The following PPP2R3A variants were observed in gnomAD, a reference collection of about 807,000 sequenced individuals.
PPP2R3A encodes protein phosphatase 2 regulatory subunit B''alpha.
A neutral mutation model predicts 106.9 loss-of-function variants in PPP2R3A; 80 were observed. The ratio of observed to expected loss-of-function variants is 0.75; its 90% CI spans 0.62 to 0.90. The LOEUF (loss-of-function observed/expected upper bound fraction) is 0.90. Ranked by LOEUF, PPP2R3A falls within the 40% of genes least tolerant of loss-of-function variation. The pLI is 0.00. For missense variants in PPP2R3A, 1,386 were observed against 1,350.4 expected, an observed-to-expected ratio of 1.03 and a Z score of -0.41; for synonymous variants, 483 against 468.3, an observed-to-expected ratio of 1.03 and a Z score of -0.41.
intron 13 of PPP2R3A, among the ~76,000 whole-genome samples, chr3:136,113,796 G>GAA (rs111452142): frequency 1.0e-4 from 13 of 128,666 alleles, no homozygotes; most frequent in Non-Finnish European, 2.0e-4. Context: ...CCCTGTGTCA[G>GAA]AAAAAAAAAA....
At chr3:136,131,801 G>A (rs1293493517) in intron 13 of PPP2R3A, among the ~76,000 whole-genome samples, 1 of 152,086 alleles carries the variant, frequency 6.6e-6, no homozygotes, top group East Asian at 1.9e-4. Flanking sequence ...AGAAAATGTG[G>A]TACATATACA....
chr3:136,107,313 GT>G (rs1937534555), intron 13 of PPP2R3A, among the ~76,000 whole-genome samples: 1 of 151,462 alleles, frequency 6.6e-6, no homozygotes, highest in Non-Finnish European at 1.5e-5. Context: ...ATAGTAAAAA[GT>G]TTCCTACTAC....
intron 5 of PPP2R3A, among the ~76,000 whole-genome samples, chr3:136,054,788 A>C (rs773809649): frequency 4.6e-5 from 7 of 152,202 alleles, no homozygotes; most frequent in Admixed American, 1.3e-4. Flanking sequence ...GTAAAGTAAC[A>C]TATTTTTGCC....
intron 13 of PPP2R3A, among the ~76,000 whole-genome samples, chr3:136,107,495 G>A (rs1203379758): frequency 7.0e-6 from 1 of 143,514 alleles, no homozygotes; most frequent in Non-Finnish European, 1.5e-5. Context: ...GGTCCATTCA[G>A]GTCAGCCTCC....
chr3:136,023,241 TG>T, intron 2 of PPP2R3A: 1 of 1,553,162 alleles, frequency 6.4e-7, no homozygotes, highest in Non-Finnish European at 8.8e-7. Flanking sequence ...TGTTTTGTTT[TG>T]TTTTGAAAAT....
chr3:136,125,823 G>A (rs1238095560), intron 13 of PPP2R3A, among the ~76,000 whole-genome samples: 1 of 152,068 alleles, frequency 6.6e-6, no homozygotes, highest in Non-Finnish European at 1.5e-5. Flanking sequence ...GAAATGAAAG[G>A]TTGGCTTATT....
Position 136,102,130 on chromosome 3 carries a change from A to C in PPP2R3A, c.3051A>C (p.Pro1017=), listed in dbSNP as rs1410845526. 3.1e-6 allele frequency: 5 copies of C among 1,613,836 alleles called. No homozygotes were observed. In the Admixed American group the frequency reaches 5.0e-5, roughly 16 times the overall value. ...AAGCCATGGGAATTGAGCCCTTGCC[A>C]TTCCATGATTTACTGTGCCAGATGC... The part of the protein sequence containing the change: ...RMEAMGIEPL[P]FHDLLCQMLD... The change falls in exon 11 of 14, where the codon CCA becomes CCC. Residue 1017 remains proline (P), a synonymous_variant. Transcript: ENST00000264977.
At chr3:136,071,129 T>C (rs1358835472) in intron 6 of PPP2R3A, among the ~76,000 whole-genome samples, 3 of 152,224 alleles carry the variant, frequency 2.0e-5, no homozygotes, top group Non-Finnish European at 4.4e-5. Context: ...AGCCATTTCA[T>C]GCACTCTGCT....
chr3:136,027,096 A>G lies in PPP2R3A; in HGVS notation c.2260A>G (p.Lys754Glu), dbSNP rs760458877. ...ADIYEMGKIAKVCGCPLYWKA... is the reference protein window; with the variant it reads ...ADIYEMGKIAEVCGCPLYWKA... ...CATTTATGAAATGGGGAAAATTGCAAAGGTAATGTAACTACTAAATGATTT... is the reference window on the plus strand; with the variant it reads ...CATTTATGAAATGGGGAAAATTGCAGAGGTAATGTAACTACTAAATGATTT... Residue 754 changes from lysine to glutamate, a missense_variant and splice_region_variant, in exon 3 of 14, where the codon AAG (lysine) becomes GAG (glutamate). Physicochemically the swap from Lys to Glu is moderately conservative, Grantham distance 56. Coordinates refer to ENST00000264977, the MANE Select transcript of PPP2R3A (RefSeq NM_002718.5). 1.2e-6 allele frequency: 2 copies of G among 1,610,300 alleles called. No homozygotes were observed. Among genetic ancestry groups the G allele is most frequent in the South Asian group, 2.2e-5 (2 of 90,556 alleles).
chr3:135,994,232 A>G (rs1933294456), intron 1 of PPP2R3A, among the ~76,000 whole-genome samples: 1 of 152,194 alleles, frequency 6.6e-6, no homozygotes, highest in Non-Finnish European at 1.5e-5. Flanking sequence ...TCTTTAATCC[A>G]CAGTGGAGAC....
intron 4 of PPP2R3A, among the ~76,000 whole-genome samples, chr3:136,041,466 C>T (rs1357617090): frequency 6.6e-6 from 1 of 151,918 alleles, no homozygotes; most frequent in Non-Finnish European, 1.5e-5. Context: ...CCAGGCTGGT[C>T]ATAAACTCCT....
chr3:136,067,434 A>G (rs1936292739), intron 5 of PPP2R3A, among the ~76,000 whole-genome samples: 2 of 152,204 alleles, frequency 1.3e-5, no homozygotes, highest in Non-Finnish European at 2.9e-5. Flanking sequence ...AGAGCGTACC[A>G]CCTTGAGAAA....
intron 4 of PPP2R3A, among the ~76,000 whole-genome samples, chr3:136,047,080 T>C (rs1047349341): frequency 6.6e-6 from 1 of 152,110 alleles, no homozygotes; most frequent in African/African-American, 2.4e-5. Context: ...CTCAGAAATA[T>C]GGGATTATGT....
chr3:136,033,674 AG>A (rs1934984374), intron 3 of PPP2R3A, among the ~76,000 whole-genome samples: 1 of 152,138 alleles, frequency 6.6e-6, no homozygotes, highest in Admixed American at 6.5e-5. Context: ...ATGTGTGTAA[AG>A]GTGTTCATAG....
intron 3 of PPP2R3A, among the ~76,000 whole-genome samples, chr3:136,034,674 C>T (rs767788181): frequency 6.6e-6 from 1 of 152,114 alleles, no homozygotes; most frequent in Non-Finnish European, 1.5e-5. Context: ...GTTCCATGTG[C>T]TGTTGAATAG....
chr3:136,012,530 G>A (rs760302857), intron 2 of PPP2R3A, among the ~76,000 whole-genome samples: 21 of 152,064 alleles, frequency 1.4e-4, no homozygotes, highest in Middle Eastern at 3.2e-3. Flanking sequence ...AGAGAATTAG[G>A]CTGGGAACAA....
Position 136,102,053 on chromosome 3 carries a change from C to A in PPP2R3A, c.2974C>A (p.Leu992Ile), listed in dbSNP as rs1937374769. Residue 992 changes from leucine to isoleucine, a missense_variant, in exon 11 of 14, where the codon CTC (leucine) becomes ATC (isoleucine). By Grantham distance (5) the Leu-to-Ile change is conservative. Coordinates refer to ENST00000264977, the MANE Select transcript of PPP2R3A (RefSeq NM_002718.5). ...CATGGATGTGGATGGAGACGGTGTA[C>A]TCTCCATGTATGAGCTGGAGTACTT... The part of the protein sequence containing the change: ...RCMDVDGDGV[L>I]SMYELEYFYE... The A allele has an allele frequency of 6.2e-7, 1 of 1,613,944 alleles. No individual in the cohort carries two copies. The highest frequency in any genetic ancestry group is 1.3e-5 in the African/African-American group (1 of 75,044).
chr3:136,065,989 A>G (rs1003251515), intron 5 of PPP2R3A, among the ~76,000 whole-genome samples: 6 of 152,224 alleles, frequency 3.9e-5, no homozygotes, highest in African/African-American at 1.4e-4. Context: ...AACTTTTAAA[A>G]TCAGAAAAGG....
At chr3:136,047,388 A>C (rs1402033399) in intron 4 of PPP2R3A, among the ~76,000 whole-genome samples, 1 of 152,262 alleles carries the variant, frequency 6.6e-6, no homozygotes, top group Non-Finnish European at 1.5e-5. Flanking sequence ...ACATGGAATC[A>C]ACATACATGC....
Sources: allele counts gnomAD v4.1 joint callset (sites outside exome capture counted in the v4.1 genomes callset), GRCh38; gene constraint gnomAD v4.1.1; transcripts MANE v1.5; gene names NCBI Gene and HGNC (gene_info 2026-07-23, HGNC 2026-07-21).